Variants in FLYWCH1 observed in about 807,000 individuals in gnomAD.
The protein encoded by FLYWCH1 is FLYWCH-type zinc finger-containing protein 1.
In FLYWCH1, 75 loss-of-function variants were observed where a neutral mutation model predicts 66.4. That is an observed-to-expected ratio of 1.13 (90% CI 0.94 to 1.37). The LOEUF (loss-of-function observed/expected upper bound fraction) is 1.37. FLYWCH1 is among the 40% of genes most tolerant of loss of function. The pLI, the probability that FLYWCH1 is intolerant of heterozygous loss-of-function variation, is 0.00. For synonymous variants in FLYWCH1, 595 were observed against 429.9 expected, an observed-to-expected ratio of 1.38 and a Z score of -4.75; for missense variants, 1,334 against 1,001.8, an observed-to-expected ratio of 1.33 and a Z score of -4.48.
At chr16:2,945,883 G>A (rs2071463904) in intron 9 of FLYWCH1, among the ~76,000 whole-genome samples, 1 of 151,882 alleles carries the variant, frequency 6.6e-6, no homozygotes, top group Non-Finnish European at 1.5e-5. Flanking sequence ...TGTAGTCCCA[G>A]TTACTCGGGA....
Position 2,948,819 on chromosome 16 carries a change from G to C in FLYWCH1, c.*92G>C. 8.5e-7 allele frequency: 1 copy of C among 1,171,194 alleles called. No individual in the cohort carries two copies. The highest frequency in any genetic ancestry group is 2.3e-5 in the East Asian group (1 of 42,684). The allele number at this position is 1,171,194 out of a possible 1,614,324, so 72.6% of individuals were successfully genotyped here. A position where few individuals can be genotyped will look rare whatever the true frequency, so the allele number is the denominator to read the frequency against. On this transcript the variant is annotated 3_prime_UTR_variant, in exon 10 of 10. Coordinates refer to ENST00000253928, the MANE Select transcript of FLYWCH1 (RefSeq NM_001308068.2). ...CCATCCACCTAGGTTTGGCTTAGCAGAAACTTCTTTTCATTCTTCCAAAGC... is the reference window on the plus strand; with the variant it reads ...CCATCCACCTAGGTTTGGCTTAGCACAAACTTCTTTTCATTCTTCCAAAGC...
In FLYWCH1 at chr16:2,929,803, T is replaced by A. The variant is rs758830170; in HGVS notation, c.118T>A (p.Ser40Thr). The A allele has an allele frequency of 6.2e-7, 1 of 1,613,928 alleles. No individual in the cohort carries two copies. The highest frequency in any genetic ancestry group is 1.1e-5 in the South Asian group (1 of 91,084). The change falls in exon 3 of 10, where the codon TCC becomes ACC. Residue 40 changes from serine (S) to threonine (T), a missense_variant. Ser to Thr is a moderately conservative substitution (Grantham distance 58, BLOSUM62 1). Transcript: ENST00000253928. ...AGCCCCCAGGAAGCCCAGGGAGTTC[T>A]CCAAACTGGTGCTGCTCACAGCCTC... Reference protein sequence around the residue: ...PAAPRKPREFSKLVLLTASDQ... With the variant: ...PAAPRKPREFTKLVLLTASDQ...
intron 6 of FLYWCH1, chr16:2,934,622 C>T: frequency 2.2e-6 from 1 of 456,892 alleles, no homozygotes; most frequent in Non-Finnish European, 4.4e-6. Context: ...AAGGCGCTGG[C>T]CTCTCTTTCC....
intron 2 of FLYWCH1, chr16:2,915,134 A>G (rs1243050211): frequency 6.9e-6 from 1 of 145,188 alleles, no homozygotes; most frequent in East Asian, 2.0e-4. Context: ...TATTACATGC[A>G]CTGAAATTTT....
At chr16:2,916,995 A>AT (rs1555481112) in intron 2 of FLYWCH1, among the ~76,000 whole-genome samples, 9 of 150,932 alleles carry the variant, frequency 6.0e-5, no homozygotes, top group African/African-American at 1.9e-4. Flanking sequence ...AAAAAAAAAA[A>AT]AATAACAAAA....
intron 2 of FLYWCH1, chr16:2,922,903 A>G: frequency 3.8e-6 from 2 of 523,668 alleles, no homozygotes; most frequent in Non-Finnish European, 7.6e-6. Context: ...TGATGATCGC[A>G]TAGTGGTCAA....
chr16:2,933,457 G>T lies in FLYWCH1; in HGVS notation c.1124G>T (p.Arg375Leu), dbSNP rs370131723. Residue 375 changes from arginine (R) to leucine (L), a missense_variant, in exon 5 of 10, where the codon CGC becomes CTC. Physicochemically the swap from Arg to Leu is moderately radical, Grantham distance 102. Coordinates refer to ENST00000253928, the MANE Select transcript of FLYWCH1 (RefSeq NM_001308068.2). ...LLRGVDSLLY[R>L]RGPGPLTLTR... The stretch of plus-strand genomic sequence containing the variant: ...CGAGGCGTGGATAGTTTGCTCTACC[G>T]CAGGGGTCCGGGTCCCCTGACTCTC... 1.9e-6 allele frequency: 3 copies of T among 1,601,396 alleles called. No homozygotes were observed. In the African/African-American group the frequency reaches 4.0e-5, roughly 21 times the overall value.
chr16:2,936,496 C>T (rs894611076), intron 6 of FLYWCH1: 1 of 447,488 alleles, frequency 2.2e-6, no homozygotes, highest in South Asian at 1.6e-5. Flanking sequence ...CCACCCCCAT[C>T]CCCTGCTTCC....
intron 7 of FLYWCH1, 70 bp from the exon 8 acceptor site, chr16:2,938,114 A>C: frequency 6.8e-7 from 1 of 1,462,020 alleles, no homozygotes; most frequent in Non-Finnish European, 9.3e-7. Flanking sequence ...GCTGGGGGAT[A>C]CAAATCAGAC....
intron 9 of FLYWCH1, 162 bp downstream of exon 9, chr16:2,940,254 G>C (rs1235543161): frequency 1.3e-5 from 7 of 556,978 alleles, no homozygotes; most frequent in South Asian, 2.2e-5. Flanking sequence ...TTGTCAGCCA[G>C]GGTGGCAGTC....
Position 2,938,166 on chromosome 16 carries a change from T to G in FLYWCH1, c.1778-18T>G. The G allele has an allele frequency of 1.9e-6, 3 of 1,608,474 alleles. No individual in the cohort carries two copies. Among genetic ancestry groups the G allele is most frequent in the Non-Finnish European group, 2.5e-6 (3 of 1,178,216 alleles). Reference sequence around the variant, plus strand: ...CAGGCCCCTGTGGCCCCACTCACAGTGTCACTTTCCCTTTCAGATCCTCTC... The same window carrying G: ...CAGGCCCCTGTGGCCCCACTCACAGGGTCACTTTCCCTTTCAGATCCTCTC... On this transcript the variant is annotated intron_variant, in intron 7 of 9. Transcript: ENST00000253928.
At chr16:2,919,445 T>C (rs1330296722) in intron 2 of FLYWCH1, among the ~76,000 whole-genome samples, 1 of 152,000 alleles carries the variant, frequency 6.6e-6, no homozygotes. Flanking sequence ...TTTGTATTTT[T>C]AGTAGAGACG....
In FLYWCH1 at chr16:2,948,905, C is replaced by T. The variant is rs1243859418; in HGVS notation, c.*178C>T. ...AGGAGGAATTCTTGGATGGTGTCCT[C>T]ATGTCGGCGGAGAACAGTGCTCAGA... is the stretch of plus-strand genomic sequence containing the variant. On this transcript the variant is annotated 3_prime_UTR_variant, in exon 10 of 10. Transcript: ENST00000253928. 3.3e-6 allele frequency: 2 copies of T among 605,824 alleles called. No individual in the cohort carries two copies. The highest frequency in any genetic ancestry group is 5.7e-5 in the East Asian group (2 of 35,230). 37.5% of individuals were successfully genotyped at this position (605,824 alleles called of 1,614,324 possible).
intron 8 of FLYWCH1, chr16:2,939,785 T>A: frequency 2.4e-6 from 1 of 418,540 alleles, no homozygotes. Context: ...GCCTGGCCTT[T>A]CATCTTTGAT....
At chr16:2,931,978 C>T (rs1402221108) in intron 4 of FLYWCH1, among the ~76,000 whole-genome samples, 2 of 151,986 alleles carry the variant, frequency 1.3e-5, no homozygotes, top group Non-Finnish European at 2.9e-5. Flanking sequence ...ATTAGCCAGG[C>T]GTGGTAGCGG....
At chr16:2,938,485 G>T (rs2071116323) in intron 8 of FLYWCH1, 29 bp downstream of exon 8, 2 of 1,500,804 alleles carry the variant, frequency 1.3e-6, no homozygotes, top group Admixed American at 4.6e-5. Flanking sequence ...GCAGAGGCAG[G>T]GCTGTGGGCA....
chr16:2,925,384 C>T (rs1301492020), intron 2 of FLYWCH1, among the ~76,000 whole-genome samples: 1 of 152,024 alleles, frequency 6.6e-6, no homozygotes, highest in Non-Finnish European at 1.5e-5. Flanking sequence ...CTCGTCCTGC[C>T]CTCATCCTCA....
rs1470985519 is a variant in FLYWCH1, at chr16:2,938,383, G to C, written c.1977G>C (p.Gln659His). The change falls in exon 8 of 10, where the codon CAG becomes CAC. Residue 659 changes from glutamine to histidine, a missense_variant. Physicochemically the swap from Gln to His is conservative, Grantham distance 24. Coordinates refer to ENST00000253928, the MANE Select transcript of FLYWCH1 (RefSeq NM_001308068.2). ...TGGTCATGCGCAGCCACTGCCATCAGCCTGACCTGGCAGGCCTGGAGGCCT... is the reference window on the plus strand; with the variant it reads ...TGGTCATGCGCAGCCACTGCCATCACCCTGACCTGGCAGGCCTGGAGGCCT... ...RIMVMRSHCH[Q>H]PDLAGLEALR... 6.4e-7 allele frequency: 1 copy of C among 1,570,832 alleles called. No individual in the cohort carries two copies. Among genetic ancestry groups the C allele is most frequent in the Non-Finnish European group, 8.6e-7 (1 of 1,156,982 alleles).
chr16:2,939,840 A>G (rs17136161), intron 8 of FLYWCH1, 192 bp from the exon 9 acceptor site: 138,062 of 502,438 alleles, frequency 0.27, 20,174 homozygotes, highest in Admixed American at 0.31. Flanking sequence ...GCTGAAGGTC[A>G]ACTCTTAGGA....
Sources: gnomAD v4.1 joint callset for allele counts (sites outside exome capture counted in the v4.1 genomes callset) on GRCh38, gnomAD v4.1.1 for gene constraint, MANE v1.5 for transcripts, NCBI Gene and HGNC (gene_info 2026-07-23, HGNC 2026-07-21) for gene names.